JPH2: variants seen among roughly 807,000 people sequenced by gnomAD.
The protein encoded by JPH2 is junctophilin-2.
A neutral mutation model predicts 55.9 loss-of-function variants in JPH2; 38 were observed. The observed-to-expected ratio is 0.68, with a 90% CI of 0.52 to 0.89. The LOEUF is 0.89. Ranked by LOEUF, JPH2 falls within the 40% of genes least tolerant of loss-of-function variation. The pLI, the probability that JPH2 is intolerant of heterozygous loss-of-function variation, is 0.00. For missense variants in JPH2, 964 were observed against 1,037.6 expected (o/e 0.93, Z 0.97); for synonymous variants, 480 against 472.4 (o/e 1.02, Z -0.21).
Position 44,118,500 on chromosome 20 carries a change from C to G in JPH2, c.1288+5G>C. The G allele has an allele frequency of 6.2e-7, 1 of 1,609,216 alleles. No individual in the cohort carries two copies. The highest frequency in any genetic ancestry group is 8.5e-7 in the Non-Finnish European group (1 of 1,177,118). On this transcript the variant is annotated splice_donor_5th_base_variant and intron_variant, in intron 3 of 5. Coordinates refer to ENST00000372980, the MANE Select transcript of JPH2 (RefSeq NM_020433.5). The stretch of plus-strand genomic sequence containing the variant: ...CCCTGCCCATCCTTCCCTGGCTGGC[C>G]CTACCTGGCTGGTAGAAGTCCGGAG...
chr20:44,151,273 G>A (rs553472899), intron 2 of JPH2, among the ~76,000 whole-genome samples: 1 of 152,100 alleles, frequency 6.6e-6, no homozygotes, highest in Non-Finnish European at 1.5e-5. Context: ...TCCCAGCACT[G>A]TGGGAGGTTG....
At chr20:44,113,674 C>A (rs112602806) in intron 5 of JPH2, among the ~76,000 whole-genome samples, 171 bp from the exon 6 acceptor site, 1 of 152,200 alleles carries the variant, frequency 6.6e-6, no homozygotes, top group East Asian at 1.9e-4. Context: ...AGGTCACAAA[C>A]GGGTCCCCGA....
At chr20:44,176,977 GA>G in intron 1 of JPH2, 3 of 985,446 alleles carry the variant, frequency 3.0e-6, no homozygotes, top group Non-Finnish European at 3.6e-6. Flanking sequence ...GTGGCAGGAA[GA>G]CCTCCAGGCA....
intron 1 of JPH2, among the ~76,000 whole-genome samples, chr20:44,183,133 C>T (rs1050620766): frequency 1.1e-4 from 17 of 152,188 alleles, no homozygotes; most frequent in Non-Finnish European, 2.5e-4. Context: ...TGGGAACAGA[C>T]ATTCTACGCA....
rs3810510 is a variant in JPH2 at position 44,118,607 on chromosome 20, C to T, written c.1186G>A (p.Ala396Thr). The T allele has an allele frequency of 0.15, 243,430 of 1,610,126 alleles. 23,257 individuals are homozygous for T. The highest frequency in any genetic ancestry group is 0.41 in the East Asian group (18,200 of 44,874). ...GCCTGTTCCGCTGCCTCAGCTTTGG[C>T]CTTGGCGTGGCTTGTCCTATGGAGA... ...IAASRTSHAKAKAEAAEQAAL... is the reference protein window; with the variant it reads ...IAASRTSHAKTKAEAAEQAAL... The change falls in exon 3 of 6, where the codon GCC (alanine) becomes ACC (threonine). Residue 396 changes from alanine to threonine, a missense_variant. By Grantham distance (58) the Ala-to-Thr change is moderately conservative. Transcript: ENST00000372980.
chr20:44,167,783 T>C (rs947595447), intron 1 of JPH2, among the ~76,000 whole-genome samples: 2 of 152,228 alleles, frequency 1.3e-5, no homozygotes, highest in African/African-American at 4.8e-5. Flanking sequence ...GAAATCATGA[T>C]ACCTTCTTCA....
At chr20:44,175,959 C>G (rs1335948388) in intron 1 of JPH2, among the ~76,000 whole-genome samples, 1 of 152,220 alleles carries the variant, frequency 6.6e-6, no homozygotes. Context: ...ACAGGCATCT[C>G]TCACCCATGG....
chr20:44,186,545 C>T lies in JPH2; in HGVS notation c.161G>A (p.Trp54Ter). 6.2e-7 allele frequency: 1 copy of T among 1,613,790 alleles called. No homozygotes were observed. The highest frequency in any genetic ancestry group is 8.5e-7 in the Non-Finnish European group (1 of 1,179,736). Residue 54 changes from tryptophan to a stop codon, truncating the protein, a stop_gained, in exon 1 of 6, where the codon TGG becomes TAG. Transcript: ENST00000372980. LOFTEE classifies it high-confidence loss of function. Reference protein sequence around the residue: ...FGFEVAGVYTWPSGNTFEGYW... With the variant: ...FGFEVAGVYT Reference sequence around the variant, plus strand: ...TCCCTCAAAGGTGTTTCCGCTGGGCCAGGTGTAGACACCTGCCACCTCAAA... The same window carrying T: ...TCCCTCAAAGGTGTTTCCGCTGGGCTAGGTGTAGACACCTGCCACCTCAAA...
At position 44,157,010 on chromosome 20, in the gene JPH2, T is replaced by A. The variant is rs903487185; in HGVS notation, c.1169+2608A>T. ...CTGATGCTTGGGTTCTCCCACTTGC[T>A]TGCCAGGTAGTCTTGGGCATGTTAC... is the stretch of plus-strand genomic sequence containing the variant. On this transcript the variant is annotated intron_variant, in intron 2 of 5. Transcript: ENST00000372980. Among the ~76,000 whole-genome samples, 4 of 152,264 alleles carry A rather than the reference T, an allele frequency of 2.6e-5. No homozygotes were observed. In the East Asian group the frequency reaches 7.7e-4, roughly 29 times the overall value.
At chr20:44,126,165 A>G (rs2072274456) in intron 2 of JPH2, among the ~76,000 whole-genome samples, 1 of 44,234 alleles carries the variant, frequency 2.3e-5, no homozygotes, top group African/African-American at 9.1e-5. Context: ...GGAGGGAGGG[A>G]GGGAGGAAGG....
intron 2 of JPH2, among the ~76,000 whole-genome samples, chr20:44,134,915 AT>A (rs1439034177): frequency 8.9e-5 from 4 of 44,812 alleles, no homozygotes; most frequent in East Asian, 3.7e-4. Context: ...TATATATAAA[AT>A]ATATATATTT....
chr20:44,160,296 G>A lies in JPH2; in HGVS notation c.491C>T (p.Ser164Leu). Residue 164 changes from serine (S) to leucine (L), a missense_variant, in exon 2 of 6, where the codon TCG (serine) becomes TTG (leucine). Transcript: ENST00000372980. This position sits in a 1 kb window ranked among gnomAD's most constrained non-coding sequence, Gnocchi z 4.9. ...VVRSPLRTSL[S>L]SLRSEHSNGT... ...GTTGCTGTGCTCGCTGCGCAGGGAC[G>A]ACAGCGACGTGCGCAGCGGCGAGCG... 1.3e-6 allele frequency: 2 copies of A among 1,544,274 alleles called. No individual in the cohort carries two copies. Among genetic ancestry groups the A allele is most frequent in the African/African-American group, 1.4e-5 (1 of 73,230 alleles).
chr20:44,177,593 G>C (rs2072745160), intron 1 of JPH2: 12 of 1,168,958 alleles, frequency 1.0e-5, no homozygotes, highest in Non-Finnish European at 1.3e-5. Context: ...TCAGCTGACT[G>C]TCACGCTGAT....
chr20:44,184,345 G>A (rs916167904), intron 1 of JPH2, among the ~76,000 whole-genome samples: 2 of 152,022 alleles, frequency 1.3e-5, no homozygotes, highest in Non-Finnish European at 2.9e-5. Flanking sequence ...CTGACAGCAG[G>A]CTAGTTCGGC....
intron 1 of JPH2, among the ~76,000 whole-genome samples, chr20:44,171,726 AC>A (rs2072700299): frequency 6.6e-6 from 1 of 152,156 alleles, no homozygotes; most frequent in Non-Finnish European, 1.5e-5. Context: ...CTCAGCTCAA[AC>A]ATCACTTCCT....
intron 2 of JPH2, among the ~76,000 whole-genome samples, chr20:44,127,322 T>G (rs2145847440): frequency 6.6e-6 from 1 of 152,266 alleles, no homozygotes; most frequent in African/African-American, 2.4e-5. Context: ...AGTATATACC[T>G]AGGAGCAGAA....
chr20:44,133,286 T>C (rs2072337802), intron 2 of JPH2, among the ~76,000 whole-genome samples: 1 of 150,738 alleles, frequency 6.6e-6, no homozygotes, highest in Non-Finnish European at 1.5e-5. Flanking sequence ...ACTAATACGA[T>C]CCTTCTGGAT....
intron 2 of JPH2, among the ~76,000 whole-genome samples, chr20:44,134,442 T>G (rs1447643350): frequency 5.1e-5 from 1 of 19,790 alleles, no homozygotes; most frequent in Non-Finnish European, 8.4e-5. Flanking sequence ...TAAATATATA[T>G]AAATATATAT....
At chr20:44,143,727 CT>C (rs2072474773) in intron 2 of JPH2, among the ~76,000 whole-genome samples, 1 of 152,214 alleles carries the variant, frequency 6.6e-6, no homozygotes, top group South Asian at 2.1e-4. Context: ...GGAACCTTAA[CT>C]GAGGGCCCCA....
Sources: allele counts gnomAD v4.1 joint callset (sites outside exome capture counted in the v4.1 genomes callset), GRCh38; gene constraint gnomAD v4.1.1; non-coding constraint Gnocchi (gnomAD v3.1); transcripts MANE v1.5; gene names NCBI Gene and HGNC (gene_info 2026-07-23, HGNC 2026-07-21).